Variants in NINJ2 observed in about 807,000 individuals in gnomAD.
The protein encoded by NINJ2 is ninjurin-2.
Under a neutral mutation model 11.7 loss-of-function variants are expected in NINJ2, and 12 were observed. The observed-to-expected ratio is 1.02, with a 90% CI of 0.66 to 1.66. NINJ2 has a LOEUF of 1.66. Ranked by LOEUF, NINJ2 falls within the 40% of genes most tolerant of loss-of-function variation. The pLI is 0.00. For missense variants in NINJ2, 187 were observed against 181.8 expected (o/e 1.03, Z -0.16); for synonymous variants, 93 against 76.8 (o/e 1.21, Z -1.10).
chr12:568,680 G>A (rs1565617363), intron 1 of NINJ2, among the ~76,000 whole-genome samples: 1 of 152,242 alleles, frequency 6.6e-6, no homozygotes. Flanking sequence ...CTGCACCTGG[G>A]TTGTTCATTA....
chr12:622,796 T>A (rs1948169467), intron 1 of NINJ2, among the ~76,000 whole-genome samples: 1 of 152,096 alleles, frequency 6.6e-6, no homozygotes. Context: ...TTTTTTAATT[T>A]TAATTTTTTT....
At chr12:587,493 C>T (rs10849287) in intron 1 of NINJ2, among the ~76,000 whole-genome samples, 40,537 of 152,160 alleles carry the variant, frequency 0.27, 5,709 homozygotes, top group South Asian at 0.37. Flanking sequence ...TGTAAGGACA[C>T]GCAAAGGGAG....
chr12:633,007 C>T lies in NINJ2; in HGVS notation c.33+30321G>A, dbSNP rs1948301620. 6.6e-6 allele frequency among the ~76,000 whole-genome samples: 1 copy of T among 152,154 alleles called. No individual in the cohort carries two copies. The highest frequency in any genetic ancestry group is 6.6e-5 in the Admixed American group (1 of 15,266). On this transcript the variant is annotated intron_variant, in intron 1 of 3. Coordinates refer to ENST00000305108, the MANE Select transcript of NINJ2 (RefSeq NM_016533.6). This position sits in a 1 kb window ranked among gnomAD's most constrained non-coding sequence, Gnocchi z 4.3. ...GCAAGATCTCACAAGATCTTAGATC[C>T]AGTGTATTTTCTGTCAGTAGATTTC...
intron 1 of NINJ2, among the ~76,000 whole-genome samples, chr12:653,822 G>T (rs1457300071): frequency 6.6e-6 from 1 of 152,160 alleles, no homozygotes; most frequent in Non-Finnish European, 1.5e-5. Flanking sequence ...GTGCATAATT[G>T]AAAGGCAGAA....
intron 2 of NINJ2, 47 bp downstream of exon 2, chr12:565,901 AGC>A: frequency 6.5e-7 from 1 of 1,544,426 alleles, no homozygotes; most frequent in Non-Finnish European, 9.0e-7. Flanking sequence ...CCTTTCTGCC[AGC>A]CACGGGTGCC....
chr12:623,203 G>A (rs1280290707), intron 1 of NINJ2, among the ~76,000 whole-genome samples: 1 of 152,200 alleles, frequency 6.6e-6, no homozygotes, highest in African/African-American at 2.4e-5. Flanking sequence ...CCATCTGAGA[G>A]CCAGCACTCC....
rs145668472 is a variant in NINJ2 at position 611,621 on chromosome 12, C to T, written c.34-45443G>A. ...CCAAAGTTGGGATTATAGGCATGAG[C>T]CACTGTGCCCGGCTCCCAGGGCTTT... On this transcript the variant is annotated intron_variant, in intron 1 of 3. Transcript: ENST00000305108. 5.9e-3 allele frequency among the ~76,000 whole-genome samples: 900 copies of T among 152,358 alleles called. 2 individuals are homozygous for T. The highest frequency in any genetic ancestry group is 9.2e-3 in the Non-Finnish European group (625 of 68,042).
intron 1 of NINJ2, among the ~76,000 whole-genome samples, chr12:602,023 T>C (rs1407107057): frequency 6.6e-6 from 1 of 152,192 alleles, no homozygotes; most frequent in Non-Finnish European, 1.5e-5. Context: ...CTTAATTAAA[T>C]AACTATTCAA....
intron 1 of NINJ2, among the ~76,000 whole-genome samples, chr12:622,423 A>AG: frequency 6.6e-6 from 1 of 150,810 alleles, no homozygotes; most frequent in African/African-American, 2.4e-5. Flanking sequence ...AAAAAAAAAA[A>AG]AAAAAAAAAA....
intron 1 of NINJ2, among the ~76,000 whole-genome samples, chr12:609,397 A>C (rs535216528): frequency 3.3e-4 from 50 of 152,252 alleles, no homozygotes; most frequent in South Asian, 1.4e-3. Flanking sequence ...GGGCCTTCGC[A>C]AGGCTCACAG....
At chr12:566,602 A>G (rs968207413) in intron 1 of NINJ2, among the ~76,000 whole-genome samples, 6 of 152,180 alleles carry the variant, frequency 3.9e-5, no homozygotes, top group African/African-American at 1.4e-4. Context: ...CTTGGGTGAA[A>G]TAGAGAAAGG....
At chr12:603,104 TAGGATTTC>T (rs762708846) in intron 1 of NINJ2, among the ~76,000 whole-genome samples, 12 of 152,172 alleles carry the variant, frequency 7.9e-5, no homozygotes, top group Non-Finnish European at 1.3e-4. Flanking sequence ...CCAAAAGTGC[TAGGATTTC>T]AAGCATGAGC....
At chr12:601,343 G>T (rs961555493) in intron 1 of NINJ2, among the ~76,000 whole-genome samples, 21 of 145,772 alleles carry the variant, frequency 1.4e-4, no homozygotes, top group African/African-American at 4.8e-4. Flanking sequence ...TCAGGAGATC[G>T]AGACCATCCT....
intron 2 of NINJ2, 26 bp from the exon 3 acceptor site, chr12:565,427 A>G: frequency 6.2e-7 from 1 of 1,609,900 alleles, no homozygotes; most frequent in Non-Finnish European, 8.5e-7. Flanking sequence ...GTGGGGGGAA[A>G]GGGTCAGAGA....
chr12:639,655 G>A (rs981289273), intron 1 of NINJ2, among the ~76,000 whole-genome samples: 4 of 152,156 alleles, frequency 2.6e-5, no homozygotes, highest in African/African-American at 9.7e-5. Context: ...TGGAAACTAT[G>A]TGTGGGCTGC....
intron 1 of NINJ2, among the ~76,000 whole-genome samples, chr12:621,519 CAGAAA>C (rs1223027636): frequency 6.6e-6 from 1 of 150,384 alleles, no homozygotes; most frequent in Non-Finnish European, 1.5e-5. Context: ...AAAAAGAAAA[CAGAAA>C]AGAAAAGAGA....
intron 1 of NINJ2, among the ~76,000 whole-genome samples, chr12:613,024 G>C (rs978300090): frequency 1.3e-5 from 2 of 152,194 alleles, no homozygotes; most frequent in African/African-American, 4.8e-5. Flanking sequence ...GGCAAGGTGT[G>C]ACCAGAAAGG....
intron 1 of NINJ2, among the ~76,000 whole-genome samples, chr12:599,354 A>G (rs997199043): frequency 1.3e-5 from 2 of 152,272 alleles, no homozygotes; most frequent in Admixed American, 6.5e-5. Flanking sequence ...GTCGCACTAC[A>G]AGACAGAGAC....
At chr12:642,685 TC>T (rs1307459645) in intron 1 of NINJ2, 4 of 152,304 alleles carry the variant, frequency 2.6e-5, no homozygotes, top group African/African-American at 7.3e-5. Context: ...GAGTGGGGGA[TC>T]CGGGGGAGAC....
Sources: allele counts gnomAD v4.1 joint callset (sites outside exome capture counted in the v4.1 genomes callset), GRCh38; gene constraint gnomAD v4.1.1; non-coding constraint Gnocchi (gnomAD v3.1); transcripts MANE v1.5; gene names NCBI Gene and HGNC (gene_info 2026-07-23, HGNC 2026-07-21).